Variants in DPYSL5 observed in about 807,000 individuals in gnomAD.
DPYSL5 encodes dihydropyrimidinase like 5.
Under a neutral mutation model 58.4 loss-of-function variants are expected in DPYSL5, and 9 were observed. The ratio of observed to expected loss-of-function variants is 0.15; its 90% CI spans 0.09 to 0.27. The LOEUF (loss-of-function observed/expected upper bound fraction) is 0.27. DPYSL5 is among the 10% of genes least tolerant of loss of function. DPYSL5 has a pLI of 1.00. For missense variants in DPYSL5, 499 were observed against 770.6 expected (o/e 0.65, Z 4.17); for synonymous variants, 293 against 301.9 (o/e 0.97, Z 0.31).
chr2:26,869,727 A>G (rs999438200), intron 1 of DPYSL5, among the ~76,000 whole-genome samples: 3 of 152,146 alleles, frequency 2.0e-5, no homozygotes, highest in African/African-American at 7.2e-5. Flanking sequence ...AACATAATGT[A>G]TCGGCCGGAC....
chr2:26,885,376 T>C (rs1663690983), intron 1 of DPYSL5, among the ~76,000 whole-genome samples: 2 of 152,156 alleles, frequency 1.3e-5, no homozygotes, highest in Non-Finnish European at 2.9e-5. Flanking sequence ...CTCCCTGACC[T>C]ACTTGTTCCG....
chr2:26,897,145 A>G (rs923742560), intron 1 of DPYSL5, among the ~76,000 whole-genome samples: 1 of 152,062 alleles, frequency 6.6e-6, no homozygotes, highest in African/African-American at 2.4e-5. Context: ...TTCCTTTTCA[A>G]TCTATATGCT....
intron 1 of DPYSL5, among the ~76,000 whole-genome samples, chr2:26,895,714 TC>T (rs1327350422): frequency 6.7e-6 from 1 of 149,824 alleles, no homozygotes; most frequent in Non-Finnish European, 1.5e-5. Context: ...TTTCCCCAAC[TC>T]CCCTTTACCC....
intron 2 of DPYSL5, among the ~76,000 whole-genome samples, chr2:26,910,535 C>T (rs1664407564): frequency 6.6e-6 from 1 of 151,600 alleles, no homozygotes; most frequent in African/African-American, 2.4e-5. Context: ...CTGCTCACAC[C>T]TTTTACCCAT....
chr2:26,889,612 A>T (rs10197786), intron 1 of DPYSL5, among the ~76,000 whole-genome samples: 1 of 151,930 alleles, frequency 6.6e-6, no homozygotes, highest in East Asian at 1.9e-4. Context: ...TCTGACAAGA[A>T]TGTTACCTGG....
intron 1 of DPYSL5, among the ~76,000 whole-genome samples, chr2:26,887,279 T>C (rs1663742617): frequency 6.6e-6 from 1 of 152,236 alleles, no homozygotes; most frequent in Admixed American, 6.5e-5. Flanking sequence ...CCAAGTTCCC[T>C]TTAAGGTCTT....
At chr2:26,931,203 G>GTATGTATATATATATA (rs1553320893) in intron 5 of DPYSL5, among the ~76,000 whole-genome samples, 1 of 44,910 alleles carries the variant, frequency 2.2e-5, no homozygotes, top group East Asian at 8.2e-4. Context: ...GTGTGTGTGT[G>GTATGTATATATATATA]TATATATATA....
At chr2:26,904,187 G>C (rs1322212469) in intron 2 of DPYSL5, among the ~76,000 whole-genome samples, 1 of 152,154 alleles carries the variant, frequency 6.6e-6, no homozygotes, top group African/African-American at 2.4e-5. Context: ...CCACTGCAGA[G>C]TTCTGGACCC....
intron 1 of DPYSL5, among the ~76,000 whole-genome samples, chr2:26,866,145 T>G (rs1194996661): frequency 6.6e-6 from 1 of 152,204 alleles, no homozygotes. Context: ...GAGCTTGCCC[T>G]TCCACACTTA....
intron 1 of DPYSL5, among the ~76,000 whole-genome samples, chr2:26,880,658 T>G (rs892425918): frequency 6.6e-6 from 1 of 152,184 alleles, no homozygotes; most frequent in Non-Finnish European, 1.5e-5. Flanking sequence ...AGAGAACACC[T>G]GCTTTGCTCC....
chr2:26,931,575 A>G, intron 5 of DPYSL5, 65 bp from the exon 6 acceptor site: 1 of 1,596,132 alleles, frequency 6.3e-7, no homozygotes, highest in Non-Finnish European at 8.6e-7. Flanking sequence ...AGGGGAGAGT[A>G]TGGTGTGGGT....
intron 1 of DPYSL5, among the ~76,000 whole-genome samples, chr2:26,895,775 C>CTTTTTTTTTTTTT (rs869030530): frequency 8.9e-4 from 90 of 101,096 alleles, no homozygotes; most frequent in Non-Finnish European, 1.3e-3. Context: ...ATTTCTTTTT[C>CTTTTTTTTTTTTT]TTTTTTTTTT....
intron 1 of DPYSL5, among the ~76,000 whole-genome samples, chr2:26,890,038 G>A (rs916054697): frequency 2.0e-5 from 3 of 152,158 alleles, no homozygotes; most frequent in Admixed American, 6.5e-5. Flanking sequence ...TGGAAGGGTA[G>A]GAATGTTTGG....
At chr2:26,921,329 G>T (rs746080941) in intron 2 of DPYSL5, among the ~76,000 whole-genome samples, 1 of 152,168 alleles carries the variant, frequency 6.6e-6, no homozygotes, top group Non-Finnish European at 1.5e-5. Context: ...GTGAAACCCC[G>T]TCTCTAGTGA....
rs1251185828 is a variant in DPYSL5 at position 26,944,592 on chromosome 2, G to A, written c.1441-64G>A. ...TCCCACCGGCCCCCAGGGAGGCCAT[G>A]GTTGTATCACTCAGCTCTGATGGTG... is the stretch of plus-strand genomic sequence containing the variant. On this transcript the variant is annotated intron_variant, in intron 11 of 12. Transcript: ENST00000288699. This position sits in a 1 kb window ranked among gnomAD's most constrained non-coding sequence, Gnocchi z 4.4. 1 of 1,563,964 alleles carries A rather than the reference G, an allele frequency of 6.4e-7. No individual in the cohort carries two copies. Among genetic ancestry groups the A allele is most frequent in the Admixed American group, 1.8e-5 (1 of 55,764 alleles).
At chr2:26,930,965 C>T (rs1173227433) in intron 5 of DPYSL5, among the ~76,000 whole-genome samples, 13 of 148,784 alleles carry the variant, frequency 8.7e-5, no homozygotes, top group African/African-American at 3.2e-4. Flanking sequence ...CAGAGCAAGA[C>T]TCCGTCTGGG....
chr2:26,885,463 A>G (rs1663693086), intron 1 of DPYSL5, among the ~76,000 whole-genome samples: 2 of 152,194 alleles, frequency 1.3e-5, no homozygotes, highest in Admixed American at 6.5e-5. Flanking sequence ...TCTGGTGCAG[A>G]TGGTCCCCAG....
chr2:26,924,922 C>T lies in DPYSL5; in HGVS notation c.297C>T (p.Gly99=). 2 of 1,614,114 alleles carry T rather than the reference C, an allele frequency of 1.2e-6. No individual in the cohort carries two copies. Among genetic ancestry groups the T allele is most frequent in the South Asian group, 2.2e-5 (2 of 91,068 alleles). Residue 99 remains glycine, a synonymous_variant, in exon 3 of 13, where the codon GGC becomes GGT. Transcript: ENST00000288699. This position sits in a 1 kb window ranked among gnomAD's most constrained non-coding sequence, Gnocchi z 4.7. Reference sequence around the variant, plus strand: ...TCGGAGGCACCACCATGATCATCGGCCACGTCCTGCCCGACAAGGAGACCT... The same window carrying T: ...TCGGAGGCACCACCATGATCATCGGTCACGTCCTGCCCGACAAGGAGACCT... The part of the protein sequence containing the change: ...ALVGGTTMII[G]HVLPDKETSL...
chr2:26,934,464 G>A lies in DPYSL5; in HGVS notation c.791-114G>A. ...CTTAAAAGCCCTGTGAGCTTGGGCA[G>A]GTCCCTTCCTGTCTCTGACCTCAGC... is the stretch of plus-strand genomic sequence containing the variant. On this transcript the variant is annotated intron_variant, in intron 7 of 12. Coordinates refer to ENST00000288699, the MANE Select transcript of DPYSL5 (RefSeq NM_020134.4). This position sits in a 1 kb window ranked among gnomAD's most constrained non-coding sequence, Gnocchi z 4.3. The A allele has an allele frequency of 7.7e-7, 1 of 1,298,092 alleles. No individual in the cohort carries two copies. Among genetic ancestry groups the A allele is most frequent in the Non-Finnish European group, 1.1e-6 (1 of 947,226 alleles). The allele number at this position is 1,298,092 out of a possible 1,614,324, so 80.4% of individuals were successfully genotyped here.
Sources: gnomAD v4.1 joint callset for allele counts (sites outside exome capture counted in the v4.1 genomes callset) on GRCh38, gnomAD v4.1.1 for gene constraint, Gnocchi (gnomAD v3.1) non-coding constraint, MANE v1.5 for transcripts, NCBI Gene and HGNC (gene_info 2026-07-23, HGNC 2026-07-21) for gene names.